THADA: variants seen among roughly 807,000 people sequenced by gnomAD.
THADA encodes tRNA (32-2'-O)-methyltransferase regulator THADA.
A neutral mutation model predicts 219.8 loss-of-function variants in THADA; 213 were observed. The observed-to-expected ratio is 0.97, with a 90% confidence interval of 0.87 to 1.09. The LOEUF (loss-of-function observed/expected upper bound fraction) is 1.09. Among genes scored for constraint, THADA ranks in the 50% least tolerant of loss-of-function variants. The probability of loss-of-function intolerance (pLI) is 0.00; values close to 1 mark genes in which losing one functional copy is unlikely to be tolerated. For missense variants in THADA, 2,956 were observed against 2,311.3 expected (o/e 1.28, Z -5.72); for synonymous variants, 1,018 against 828.9 (o/e 1.23, Z -3.92).
At chr2:43,590,976 T>C (rs768278143) in intron 3 of THADA, 22 bp from the exon 4 acceptor site, 2 of 1,594,804 alleles carry the variant, frequency 1.3e-6, no homozygotes, top group Admixed American at 3.5e-5. Flanking sequence ...AACATTGAAG[T>C]AATTTTTATA....
In THADA at chr2:43,353,822, A is replaced by AT. The variant is rs564117010; in HGVS notation, c.4228-9586dup. On this transcript the variant is annotated intron_variant, in intron 29 of 37. Coordinates refer to ENST00000405975, the MANE Select transcript of THADA (RefSeq NM_022065.5). ...AGGCATGGGCCACCAAGCTCAGCTA[A>AT]TTTTTTTTTTTTTGAGATGTAGTCT... Among the ~76,000 whole-genome samples the AT allele has an allele frequency of 1.6e-3, 226 of 139,036 alleles. 1 individual carries two copies. The highest frequency in any genetic ancestry group is 2.0e-3 in the African/African-American group (73 of 36,456). 91.2% of individuals were successfully genotyped at this position (139,036 alleles called of 152,430 possible). A position where few individuals can be genotyped will look rare whatever the true frequency, so the allele number is the denominator to read the frequency against.
At chr2:43,340,823 G>A (rs1033275880) in intron 30 of THADA, among the ~76,000 whole-genome samples, 3 of 152,078 alleles carry the variant, frequency 2.0e-5, no homozygotes, top group Non-Finnish European at 4.4e-5. Context: ...TAAAGACAGG[G>A]GTCTGTTCTG....
chr2:43,458,381 G>C (rs1683257966), intron 26 of THADA, among the ~76,000 whole-genome samples: 1 of 152,102 alleles, frequency 6.6e-6, no homozygotes, highest in African/African-American at 2.4e-5. Flanking sequence ...ATTTCATTGT[G>C]CTATTCATCA....
At chr2:43,468,347 C>T (rs184091867) in intron 26 of THADA, among the ~76,000 whole-genome samples, 1 of 152,296 alleles carries the variant, frequency 6.6e-6, no homozygotes, top group East Asian at 1.9e-4. Context: ...GAATACAACG[C>T]TTTGAAACAC....
intron 31 of THADA, among the ~76,000 whole-genome samples, chr2:43,319,964 A>G (rs1320621243): frequency 2.0e-5 from 3 of 152,230 alleles, no homozygotes; most frequent in Non-Finnish European, 4.4e-5. Flanking sequence ...CCATCCCCAG[A>G]AACTTACATG....
intron 30 of THADA, among the ~76,000 whole-genome samples, chr2:43,327,355 T>C (rs1169044739): frequency 6.6e-6 from 1 of 150,786 alleles, no homozygotes; most frequent in African/African-American, 2.4e-5. Context: ...TGAAGCAATA[T>C]CCTAGGGACC....
rs539798216 is a variant in THADA, at chr2:43,400,457, T to TTATATATATATATA, written c.4059-2332_4059-2319dup. The stretch of plus-strand genomic sequence containing the variant: ...TGGAAAGATTAGATCATAGACAAAT[T>TTATATATATATATA]TATATATATATATATATATAAATAT... On this transcript the variant is annotated intron_variant, in intron 28 of 37. Coordinates refer to ENST00000405975, the MANE Select transcript of THADA (RefSeq NM_022065.5). Among the ~76,000 whole-genome samples, 180 of 89,892 alleles carry TTATATATATATATA rather than the reference T, an allele frequency of 2.0e-3. 3 individuals are homozygous for TTATATATATATATA. Among genetic ancestry groups the TTATATATATATATA allele is most frequent in the African/African-American group, 6.1e-3 (157 of 25,678 alleles). The allele number at this position is 89,892 out of a possible 152,430, so 59.0% of individuals were successfully genotyped here.
rs1667344362 is a variant in THADA at position 43,230,981 on chromosome 2, C to T, written c.5829G>A (p.Gln1943=). 1 of 1,613,160 alleles carries T rather than the reference C, an allele frequency of 6.2e-7. No homozygotes were observed. The highest frequency in any genetic ancestry group is 8.5e-7 in the Non-Finnish European group (1 of 1,179,256). ...SVWDSYAESR[Q]LTLPRTEAAC is the part of the protein sequence containing the mutation. The stretch of plus-strand genomic sequence containing the variant: ...CCGCTTCTGTTCTTGGAAGAGTTAA[C>T]TGCCTCGATTCTGCATAAGAGTCCC... Residue 1943 remains glutamine, a synonymous_variant, in exon 38 of 38, where the codon CAG becomes CAA. Coordinates refer to ENST00000405975, the MANE Select transcript of THADA (RefSeq NM_022065.5).
chr2:43,396,929 GATA>G (rs1296816620), intron 29 of THADA, among the ~76,000 whole-genome samples: 1 of 152,118 alleles, frequency 6.6e-6, no homozygotes, highest in African/African-American at 2.4e-5. Flanking sequence ...TAAAATTAAT[GATA>G]ATAATAACAA....
At chr2:43,395,526 T>A (rs750917894) in intron 29 of THADA, among the ~76,000 whole-genome samples, 1 of 150,110 alleles carries the variant, frequency 6.7e-6, no homozygotes, top group Non-Finnish European at 1.5e-5. Context: ...TAACACAGAC[T>A]AGATTATCTG....
At chr2:43,343,381 T>C (rs1047671567) in intron 30 of THADA, 1 of 152,042 alleles carries the variant, frequency 6.6e-6, no homozygotes, top group Non-Finnish European at 1.5e-5. Flanking sequence ...GCAGGAAAGG[T>C]AGTAACACTA....
chr2:43,468,316 G>C (rs1684504563), intron 26 of THADA, among the ~76,000 whole-genome samples: 1 of 152,158 alleles, frequency 6.6e-6, no homozygotes, highest in African/African-American at 2.4e-5. Context: ...ATTAACCATA[G>C]GTTTTTGCAC....
At chr2:43,528,106 A>C (rs914369216) in intron 21 of THADA, 118 bp from the exon 22 acceptor site, 5 of 471,306 alleles carry the variant, frequency 1.1e-5, no homozygotes, top group African/African-American at 2.2e-5. Context: ...CGCTTACCAT[A>C]TGACAGAACA....
chr2:43,521,929 C>CA, intron 22 of THADA, among the ~76,000 whole-genome samples: 1 of 152,318 alleles, frequency 6.6e-6, no homozygotes, highest in African/African-American at 2.4e-5. Flanking sequence ...CATGTAGTAG[C>CA]ACAGAGCTAT....
rs374380212 is a variant in THADA, at chr2:43,558,625, G to GC, written c.2463+1608dup. ...ACTTCTCCCATGCTGGATGCTTCCTGCGCTGGAACATCAGACTCTTGCAAG... is the reference window on the plus strand; with the variant it reads ...ACTTCTCCCATGCTGGATGCTTCCTGCCGCTGGAACATCAGACTCTTGCAAG... On this transcript the variant is annotated intron_variant, in intron 16 of 37. Transcript: ENST00000405975. 3.8e-3 allele frequency among the ~76,000 whole-genome samples: 580 copies of GC among 152,250 alleles called. 3 individuals carry two copies. The highest frequency in any genetic ancestry group is 0.013 in the African/African-American group (560 of 41,534).
chr2:43,549,280 T>A lies in THADA; in HGVS notation c.3036A>T (p.Glu1012Asp). ...DYFNQAKILK[E>D]HDSFDMKDLN... is the part of the protein sequence containing the mutation. The stretch of plus-strand genomic sequence containing the variant: ...AGTCCTTCATATCAAAGCTATCATG[T>A]TCTTTCAATATTTTGGCTTGGTTAA... Residue 1012 changes from glutamate (E) to aspartate (D), a missense_variant, in exon 20 of 38, where the codon GAA becomes GAT. By Grantham distance (45) the Glu-to-Asp change is conservative (BLOSUM62 2). Coordinates refer to ENST00000405975, the MANE Select transcript of THADA (RefSeq NM_022065.5). 1.9e-6 allele frequency: 3 copies of A among 1,597,632 alleles called. No homozygotes were observed. Among genetic ancestry groups the A allele is most frequent in the Non-Finnish European group, 2.6e-6 (3 of 1,171,776 alleles).
At chr2:43,420,414 C>T (rs1188501525) in intron 28 of THADA, among the ~76,000 whole-genome samples, 1 of 152,218 alleles carries the variant, frequency 6.6e-6, no homozygotes, top group African/African-American at 2.4e-5. Flanking sequence ...TTAACAAATA[C>T]TTGGTTACTC....
At chr2:43,508,809 G>A in intron 22 of THADA, 29 bp from the exon 23 acceptor site, 1 of 1,607,754 alleles carries the variant, frequency 6.2e-7, no homozygotes, top group Non-Finnish European at 8.5e-7. Context: ...CAAATATTCG[G>A]AATTAGGTAT....
intron 31 of THADA, among the ~76,000 whole-genome samples, chr2:43,310,295 A>G (rs940150701): frequency 2.6e-4 from 38 of 148,918 alleles, no homozygotes; most frequent in East Asian, 1.2e-3. Context: ...AGGCAAAGCA[A>G]TGTTGAAAAA....
Sources: gnomAD v4.1 joint callset for allele counts (sites outside exome capture counted in the v4.1 genomes callset) on GRCh38, gnomAD v4.1.1 for gene constraint, MANE v1.5 for transcripts, NCBI Gene and HGNC (gene_info 2026-07-23, HGNC 2026-07-21) for gene names.